The following DYNC1I1 variants were observed in gnomAD, a reference collection of about 807,000 sequenced individuals.
DYNC1I1 encodes cytoplasmic dynein 1 intermediate chain 1.
DYNC1I1 carries 43 observed loss-of-function variants against 86.6 expected under a neutral mutation model. That is an observed-to-expected ratio of 0.50 (90% CI 0.39 to 0.64). DYNC1I1 has a LOEUF of 0.64. Ranked by LOEUF, DYNC1I1 falls within the 30% of genes least tolerant of loss-of-function variation. DYNC1I1 has a pLI of 0.00. For missense variants in DYNC1I1, 604 were observed against 788.8 expected (o/e 0.77, Z 2.81); for synonymous variants, 262 against 283.7 (o/e 0.92, Z 0.77).
chr7:95,810,398 A>G lies in DYNC1I1; in HGVS notation c.115A>G (p.Met39Val). 6.2e-7 allele frequency: 1 copy of G among 1,608,744 alleles called. No individual in the cohort carries two copies. Among genetic ancestry groups the G allele is most frequent in the Non-Finnish European group, 8.5e-7 (1 of 1,177,592 alleles). The change falls in exon 3 of 17, where the codon ATG becomes GTG. Residue 39 changes from methionine to valine, a missense_variant. Physicochemically the swap from Met to Val is conservative, Grantham distance 21. Coordinates refer to ENST00000447467, the MANE Select transcript of DYNC1I1 (RefSeq NM_001135556.2). The stretch of plus-strand genomic sequence containing the variant: ...TACTGACGTCTACTTCTAGGCTGAT[A>G]TGCAGCAGAAGAAAGAACCCGTTCA... ...EEERKKKEAD[M>V]QQKKEPVQDD...
chr7:96,028,772 G>A (rs1794741462), intron 11 of DYNC1I1, among the ~76,000 whole-genome samples: 1 of 152,152 alleles, frequency 6.6e-6, no homozygotes, highest in African/African-American at 2.4e-5. Context: ...TTTAAATTCT[G>A]GAATGTGTGG....
chr7:95,787,466 GC>G (rs1562892429), intron 1 of DYNC1I1, among the ~76,000 whole-genome samples: 2 of 152,138 alleles, frequency 1.3e-5, no homozygotes, highest in African/African-American at 4.8e-5. Flanking sequence ...CCAAAACAAA[GC>G]AAAAGGGTTG....
intron 6 of DYNC1I1, among the ~76,000 whole-genome samples, chr7:95,928,966 T>C (rs142196876): frequency 9.0e-4 from 137 of 152,272 alleles, no homozygotes; most frequent in South Asian, 5.2e-3. Context: ...TCCCCAAACT[T>C]ACCGGTATTA....
chr7:95,813,120 T>A, intron 3 of DYNC1I1, 127 bp from the exon 4 acceptor site: 19 of 1,313,444 alleles, frequency 1.4e-5, no homozygotes, highest in Non-Finnish European at 1.9e-5. Flanking sequence ...TTATCCCATC[T>A]CAATGTCTCC....
chr7:95,811,222 T>A (rs1794823366), intron 3 of DYNC1I1, among the ~76,000 whole-genome samples: 1 of 152,164 alleles, frequency 6.6e-6, no homozygotes, highest in Admixed American at 6.6e-5. Flanking sequence ...TATGTATCTC[T>A]CATGTAATAG....
chr7:95,791,763 G>A (rs185359099), intron 1 of DYNC1I1, among the ~76,000 whole-genome samples: 7 of 152,234 alleles, frequency 4.6e-5, no homozygotes, highest in Admixed American at 1.3e-4. Flanking sequence ...ATGTAAATCA[G>A]GCAGGAAAAA....
chr7:96,006,697 T>G (rs1794151193), intron 10 of DYNC1I1, among the ~76,000 whole-genome samples: 1 of 152,222 alleles, frequency 6.6e-6, no homozygotes, highest in Non-Finnish European at 1.5e-5. Context: ...TAAATGATTC[T>G]TTTTGAAAAA....
rs563365298 is a variant in DYNC1I1, at chr7:95,837,852, A to T, written c.374+9736A>T. On this transcript the variant is annotated intron_variant, in intron 5 of 16. Transcript: ENST00000447467. The stretch of plus-strand genomic sequence containing the variant: ...TCGCGCATGGTGCGCGCACCCACTG[A>T]CCTGCGTCCACTGTCTGGCACTCCC... 3.4e-3 allele frequency among the ~76,000 whole-genome samples: 516 copies of T among 152,252 alleles called. 1 individual carries two copies. The highest frequency in any genetic ancestry group is 0.012 in the African/African-American group (489 of 41,492).
intron 1 of DYNC1I1, among the ~76,000 whole-genome samples, chr7:95,794,024 C>T (rs186878523): frequency 1.3e-5 from 2 of 152,310 alleles, no homozygotes; most frequent in East Asian, 3.9e-4. Flanking sequence ...AAAGTGCAGT[C>T]ATGGTAGCTT....
intron 16 of DYNC1I1, among the ~76,000 whole-genome samples, chr7:96,081,080 A>AAAAAAAAAAGG (rs1281786845): frequency 1.8e-5 from 1 of 55,580 alleles, no homozygotes; most frequent in Non-Finnish European, 3.4e-5. Context: ...AAAAAAAAGA[A>AAAAAAAAAAGG]AAAGAAAAGA....
intron 15 of DYNC1I1, among the ~76,000 whole-genome samples, chr7:96,078,523 CTA>C (rs1212797787): frequency 6.6e-6 from 1 of 152,016 alleles, no homozygotes; most frequent in Non-Finnish European, 1.5e-5. Flanking sequence ...TGAAAAGAAA[CTA>C]TTTTTAAATG....
intron 6 of DYNC1I1, among the ~76,000 whole-genome samples, chr7:95,888,445 TAAG>T (rs1286215588): frequency 6.6e-6 from 1 of 152,052 alleles, no homozygotes; most frequent in Non-Finnish European, 1.5e-5. Flanking sequence ...TTTAAAAAAA[TAAG>T]AAGAAGAAAC....
At chr7:96,103,483 C>T (rs984272215) in intron 16 of DYNC1I1, among the ~76,000 whole-genome samples, 5 of 152,208 alleles carry the variant, frequency 3.3e-5, no homozygotes, top group Admixed American at 2.6e-4. Flanking sequence ...CCCCTTCAGT[C>T]ACTTCTCAAT....
chr7:95,785,079 G>A (rs1794093026), intron 1 of DYNC1I1, among the ~76,000 whole-genome samples: 1 of 152,126 alleles, frequency 6.6e-6, no homozygotes, highest in South Asian at 2.1e-4. Flanking sequence ...CCAGACAATG[G>A]GAATGCTATA....
intron 6 of DYNC1I1, among the ~76,000 whole-genome samples, chr7:95,973,888 T>C (rs75435015): frequency 1.3e-5 from 2 of 152,238 alleles, no homozygotes; most frequent in East Asian, 3.8e-4. Flanking sequence ...TCAAACTAGA[T>C]GGCTCTAATA....
intron 6 of DYNC1I1, among the ~76,000 whole-genome samples, chr7:95,922,520 C>A (rs1791637628): frequency 1.3e-5 from 2 of 152,190 alleles, no homozygotes; most frequent in South Asian, 4.1e-4. Flanking sequence ...AGCTTGTGTC[C>A]TTCTCATTCC....
intron 6 of DYNC1I1, among the ~76,000 whole-genome samples, chr7:95,956,622 A>T (rs1002850563): frequency 3.3e-5 from 5 of 151,904 alleles, no homozygotes; most frequent in Admixed American, 1.3e-4. Context: ...TATGAGTGAG[A>T]ACATGCAGTG....
At chr7:95,778,976 T>C (rs538374611) in intron 1 of DYNC1I1, among the ~76,000 whole-genome samples, 3 of 152,284 alleles carry the variant, frequency 2.0e-5, no homozygotes, top group South Asian at 4.1e-4. Context: ...AGCAAGTTTT[T>C]AGATCAGTTG....
chr7:96,072,716 T>G (rs974479667), intron 14 of DYNC1I1, among the ~76,000 whole-genome samples: 4 of 152,240 alleles, frequency 2.6e-5, no homozygotes, highest in Non-Finnish European at 5.9e-5. Flanking sequence ...CAGAAATTTA[T>G]GTCTCATAAA....
Sources: gnomAD v4.1 joint callset for allele counts (sites outside exome capture counted in the v4.1 genomes callset) on GRCh38, gnomAD v4.1.1 for gene constraint, MANE v1.5 for transcripts, NCBI Gene and HGNC (gene_info 2026-07-23, HGNC 2026-07-21) for gene names.